Variants in PEPD observed in about 807,000 individuals in gnomAD.
The protein encoded by PEPD is peptidase D.
Under a neutral mutation model 60.7 loss-of-function variants are expected in PEPD, and 53 were observed. The observed-to-expected ratio is 0.87, with a 90% CI of 0.70 to 1.10. PEPD has a LOEUF of 1.10. Ranked by LOEUF, PEPD falls within the 50% of genes least tolerant of loss-of-function variation. The pLI is 0.00. For synonymous variants in PEPD, 267 were observed against 284.1 expected (o/e 0.94, Z 0.60); for missense variants, 711 against 711.9 (o/e 1.00, Z 0.01).
chr19:33,488,420 C>T (rs1026323352), intron 6 of PEPD, among the ~76,000 whole-genome samples: 8 of 152,140 alleles, frequency 5.3e-5, no homozygotes, highest in East Asian at 1.9e-4. Flanking sequence ...ATGGCATGGT[C>T]GAGGAAAGGT....
At chr19:33,445,200 C>T (rs942802963) in intron 9 of PEPD, among the ~76,000 whole-genome samples, 2 of 152,212 alleles carry the variant, frequency 1.3e-5, no homozygotes, top group African/African-American at 4.8e-5. Context: ...GAGGCTGACA[C>T]ATGGTCAGGG....
rs1968106417 is a variant in PEPD, at chr19:33,387,601, A to G, written c.1345-120T>C. 67 of 1,327,772 alleles carry G rather than the reference A, an allele frequency of 5.0e-5. 2 individuals carry two copies. The South Asian group carries it at 7.8e-4, about 15-fold the overall frequency. 82.2% of individuals were successfully genotyped at this position (1,327,772 alleles called of 1,614,324 possible). ...GGGAGCAGCTGACACTCCCTGGGAG[A>G]CGGGTGGCCTCCGGGCTCCTTCATG... On this transcript the variant is annotated intron_variant, in intron 14 of 14. Coordinates refer to ENST00000244137, the MANE Select transcript of PEPD (RefSeq NM_000285.4).
At chr19:33,420,503 G>C (rs1328346896) in intron 9 of PEPD, among the ~76,000 whole-genome samples, 2 of 152,130 alleles carry the variant, frequency 1.3e-5, no homozygotes, top group Admixed American at 1.3e-4. Context: ...AGGAGTTCGA[G>C]ACCAGCCTGG....
chr19:33,412,619 C>A (rs554581930), intron 10 of PEPD, among the ~76,000 whole-genome samples: 2 of 152,366 alleles, frequency 1.3e-5, no homozygotes, highest in Admixed American at 1.3e-4. Flanking sequence ...AGGAAACCCC[C>A]ACCTGGGTGT....
chr19:33,399,542 C>T (rs1347053389), intron 12 of PEPD, among the ~76,000 whole-genome samples: 1 of 152,026 alleles, frequency 6.6e-6, no homozygotes, highest in Non-Finnish European at 1.5e-5. Flanking sequence ...GCTCCTCAGC[C>T]TCTGGTGGGG....
intron 4 of PEPD, among the ~76,000 whole-genome samples, chr19:33,495,256 G>A (rs1021801368): frequency 6.6e-6 from 1 of 151,772 alleles, no homozygotes; most frequent in African/African-American, 2.4e-5. Flanking sequence ...GCTTGTAATC[G>A]CAGCACTTTT....
rs1046548158 is a variant in PEPD at position 33,462,932 on chromosome 19, T to C, written c.671+63A>G. 7 of 1,013,264 alleles carry C rather than the reference T, an allele frequency of 6.9e-6. No individual in the cohort carries two copies. Among genetic ancestry groups the C allele is most frequent in the African/African-American group, 3.1e-5 (2 of 63,514 alleles). The allele number at this position is 1,013,264 out of a possible 1,614,324, so 62.8% of individuals were successfully genotyped here. On this transcript the variant is annotated intron_variant, in intron 9 of 14. Coordinates refer to ENST00000244137, the MANE Select transcript of PEPD (RefSeq NM_000285.4). ...CTGCGGCGTCTCATCTGTTACTCAC[T>C]CAGGGAACATAAATTACTGTTTTTT...
rs200931112 is a variant in PEPD, at chr19:33,401,775, C to T, written c.913G>A (p.Val305Ile). 4.0e-4 allele frequency: 638 copies of T among 1,611,820 alleles called. No homozygotes were observed. The highest frequency in any genetic ancestry group is 4.9e-4 in the Non-Finnish European group (583 of 1,179,282). ...NGKFTADQKA[V>I]YEAVLRSSRA... is the part of the protein sequence containing the mutation. Reference sequence around the variant, plus strand: ...GAGCTCCGCAGCACTGCCTCATAGACGGCCTTCTGGTCTGCAGTGAACTTG... The same window carrying T: ...GAGCTCCGCAGCACTGCCTCATAGATGGCCTTCTGGTCTGCAGTGAACTTG... The change falls in exon 12 of 15, where the codon GTC becomes ATC. Residue 305 changes from valine (V) to isoleucine (I), a missense_variant. Transcript: ENST00000244137.
intron 9 of PEPD, among the ~76,000 whole-genome samples, chr19:33,425,266 C>T (rs1282624628): frequency 6.6e-6 from 1 of 151,862 alleles, no homozygotes; most frequent in African/African-American, 2.4e-5. Flanking sequence ...CACTGCACTC[C>T]AGCCTGGGCG....
At chr19:33,500,821 CCAGGTGGT>C in intron 4 of PEPD, 109 bp downstream of exon 4, 1 of 768,440 alleles carries the variant, frequency 1.3e-6, no homozygotes, top group Non-Finnish European at 2.4e-6. Context: ...GGACTGGTGG[CCAGGTGGT>C]AGTGTCCCTG....
chr19:33,489,211 C>T (rs1970451953), intron 6 of PEPD, among the ~76,000 whole-genome samples: 1 of 152,198 alleles, frequency 6.6e-6, no homozygotes, highest in Non-Finnish European at 1.5e-5. Flanking sequence ...GGTTTGGAGG[C>T]TCAGCCTGGC....
chr19:33,484,693 A>C (rs186900374), intron 6 of PEPD, among the ~76,000 whole-genome samples: 3 of 151,018 alleles, frequency 2.0e-5, no homozygotes, highest in Admixed American at 1.3e-4. Context: ...GACACACAAA[A>C]AGATCCACAC....
At chr19:33,492,697 T>C (rs545400454) in intron 5 of PEPD, among the ~76,000 whole-genome samples, 117 of 152,278 alleles carry the variant, frequency 7.7e-4, no homozygotes, top group African/African-American at 2.7e-3. Flanking sequence ...TTCCAGGAGC[T>C]CAGCCTGACA....
At chr19:33,426,722 CCAGGAGGAGCTGGGTCACTGAGGAAACAG>C (rs1044697003) in intron 9 of PEPD, among the ~76,000 whole-genome samples, 4 of 152,242 alleles carry the variant, frequency 2.6e-5, no homozygotes, top group African/African-American at 9.6e-5. Flanking sequence ...CTGGAGGGAA[CCAGGAGGAGCTGGGTCACTGAGGAAACAG>C]GAGGAGCTGG....
chr19:33,468,888 T>A (rs550729923), intron 7 of PEPD, among the ~76,000 whole-genome samples: 1 of 152,142 alleles, frequency 6.6e-6, no homozygotes, highest in East Asian at 1.9e-4. Flanking sequence ...AGTCCCATTA[T>A]CTGGGACCAG....
At chr19:33,519,345 A>C (rs541595940) in intron 1 of PEPD, among the ~76,000 whole-genome samples, 1 of 152,284 alleles carries the variant, frequency 6.6e-6, no homozygotes, top group South Asian at 2.1e-4. Context: ...CTACTCCCCA[A>C]ATCATATGGG....
rs543253973 is a variant in PEPD, at chr19:33,466,184, T to C, written c.549-2122A>G. ...TCAATAGGAAGCTTAAAGCTCTTAGTGATATGGTGAAGAAGATATGTTTCT... is the reference window on the plus strand; with the variant it reads ...TCAATAGGAAGCTTAAAGCTCTTAGCGATATGGTGAAGAAGATATGTTTCT... On this transcript the variant is annotated intron_variant, in intron 7 of 14. Coordinates refer to ENST00000244137, the MANE Select transcript of PEPD (RefSeq NM_000285.4). 5.9e-5 allele frequency among the ~76,000 whole-genome samples: 9 copies of C among 152,298 alleles called. No homozygotes were observed. The East Asian group carries it at 1.5e-3, about 26-fold the overall frequency.
chr19:33,463,633 C>G (rs1969969497), intron 8 of PEPD, among the ~76,000 whole-genome samples: 1 of 152,164 alleles, frequency 6.6e-6, no homozygotes, highest in African/African-American at 2.4e-5. Flanking sequence ...GTTTGAACCA[C>G]AGTTAAGGAC....
intron 7 of PEPD, among the ~76,000 whole-genome samples, chr19:33,475,935 C>T (rs1726763086): frequency 6.6e-6 from 1 of 152,230 alleles, no homozygotes; most frequent in Non-Finnish European, 1.5e-5. Context: ...TCATGGCTCA[C>T]TGCAGCCTCG....
Sources: allele counts gnomAD v4.1 joint callset (sites outside exome capture counted in the v4.1 genomes callset), GRCh38; gene constraint gnomAD v4.1.1; transcripts MANE v1.5; gene names NCBI Gene and HGNC (gene_info 2026-07-23, HGNC 2026-07-21).